CEPT1: variants seen among roughly 807,000 people sequenced by gnomAD.
The protein encoded by CEPT1 is choline/ethanolamine phosphotransferase 1.
A neutral mutation model predicts 42.6 loss-of-function variants in CEPT1; 7 were observed. That is an observed-to-expected ratio of 0.16 (90% CI 0.09 to 0.31). The LOEUF is 0.31. Ranked by LOEUF, CEPT1 falls within the 10% of genes least tolerant of loss-of-function variation. CEPT1 has a pLI of 1.00. For missense variants in CEPT1, 306 were observed against 502.1 expected (o/e 0.61, Z 3.73); for synonymous variants, 171 against 171.9 (o/e 0.99, Z 0.04).
intron 4 of CEPT1, among the ~76,000 whole-genome samples, chr1:111,173,868 G>A (rs941393192): frequency 6.6e-6 from 1 of 152,034 alleles, no homozygotes; most frequent in Non-Finnish European, 1.5e-5. Flanking sequence ...TCAGTATATA[G>A]AGAGCTGCCC....
chr1:111,140,697 G>A (rs1288281643), intron 1 of CEPT1: 2 of 152,418 alleles, frequency 1.3e-5, no homozygotes, highest in African/African-American at 4.8e-5. Context: ...TGCTTGTCAG[G>A]TCCACACCCT....
intron 2 of CEPT1, among the ~76,000 whole-genome samples, chr1:111,153,893 C>T (rs1341166032): frequency 1.3e-5 from 2 of 152,056 alleles, no homozygotes; most frequent in African/African-American, 2.4e-5. Flanking sequence ...AGTGTGATGC[C>T]TCCAGCTTTG....
At chr1:111,160,947 A>G (rs1655835733) in intron 3 of CEPT1, 2 of 567,522 alleles carry the variant, frequency 3.5e-6, no homozygotes, top group Admixed American at 3.5e-5. Flanking sequence ...CCACTAAGTG[A>G]TTTGGTAAAA....
At chr1:111,160,293 T>A (rs537907042) in intron 3 of CEPT1, 3 of 152,364 alleles carry the variant, frequency 2.0e-5, no homozygotes, top group Middle Eastern at 3.4e-3. Flanking sequence ...TTTCAGCTAG[T>A]CTTTCTGACA....
At position 111,151,683 on chromosome 1, in the gene CEPT1, A is replaced by AT. The variant is rs1557924744; in HGVS notation, c.339+3630_339+3631insT. On this transcript the variant is annotated intron_variant, in intron 2 of 8. Transcript: ENST00000357172. ...TGTCCTTAGAGACAATAGATGACAA[A>AT]CGTTTCCCTTTCAGATCTTAGTTAA... is the stretch of plus-strand genomic sequence containing the variant. Among the ~76,000 whole-genome samples, 6 of 152,342 alleles carry AT rather than the reference A, an allele frequency of 3.9e-5. No homozygotes were observed. In the South Asian group the frequency reaches 1.2e-3, roughly 32 times the overall value.
intron 5 of CEPT1, among the ~76,000 whole-genome samples, chr1:111,176,208 A>G (rs1656668863): frequency 1.3e-5 from 2 of 152,182 alleles, no homozygotes; most frequent in African/African-American, 4.8e-5. Context: ...TCAGTTATGT[A>G]TCTTAGATTT....
At chr1:111,146,000 T>A (rs75159014) in intron 1 of CEPT1, among the ~76,000 whole-genome samples, 4,591 of 152,312 alleles carry the variant, frequency 0.03, 235 homozygotes, top group African/African-American at 0.1. Context: ...GGACTTTGAT[T>A]CTGCTTTGTG....
At chr1:111,159,340 T>C (rs1557929830) in intron 2 of CEPT1, 40 bp from the exon 3 acceptor site, 1 of 1,580,728 alleles carries the variant, frequency 6.3e-7, no homozygotes. Flanking sequence ...ATGGTAACTG[T>C]GTGTCTGAAT....
intron 1 of CEPT1, among the ~76,000 whole-genome samples, chr1:111,145,685 A>C (rs192327954): frequency 6.6e-6 from 1 of 152,316 alleles, no homozygotes; most frequent in Admixed American, 6.5e-5. Context: ...CAGAATGCAC[A>C]TGTGGCCTGG....
At chr1:111,167,221 G>A in intron 4 of CEPT1, 14 of 985,166 alleles carry the variant, frequency 1.4e-5, no homozygotes, top group Non-Finnish European at 1.7e-5. Context: ...GCTATCTGAT[G>A]TACAATGGTG....
chr1:111,146,795 CTTT>C (rs978593604), intron 1 of CEPT1, among the ~76,000 whole-genome samples: 1 of 152,128 alleles, frequency 6.6e-6, no homozygotes, highest in Non-Finnish European at 1.5e-5. Context: ...CCCACTTTTA[CTTT>C]TTTTCCTTCT....
At chr1:111,144,448 A>G (rs956353684) in intron 1 of CEPT1, among the ~76,000 whole-genome samples, 2 of 152,194 alleles carry the variant, frequency 1.3e-5, no homozygotes, top group African/African-American at 4.8e-5. Context: ...GCCTCTTTTC[A>G]TGTATAAATT....
chr1:111,153,915 C>T (rs1388057963), intron 2 of CEPT1, among the ~76,000 whole-genome samples: 2 of 151,978 alleles, frequency 1.3e-5, no homozygotes, highest in Non-Finnish European at 2.9e-5. Flanking sequence ...TCTTTTTGCT[C>T]TAGAGTGCTT....
intron 4 of CEPT1, 64 bp from the exon 5 acceptor site, chr1:111,174,815 G>A (rs559871353): frequency 3.1e-6 from 3 of 969,698 alleles, no homozygotes; most frequent in South Asian, 2.6e-5. Context: ...TGCTAAGCTT[G>A]CAAGTAATTA....
chr1:111,158,045 T>G (rs1655661878), intron 2 of CEPT1, among the ~76,000 whole-genome samples: 5 of 152,252 alleles, frequency 3.3e-5, no homozygotes, highest in African/African-American at 1.2e-4. Context: ...GAATATACAT[T>G]TAAATTCAAT....
At chr1:111,163,866 G>A (rs1476563986) in intron 4 of CEPT1, among the ~76,000 whole-genome samples, 1 of 152,024 alleles carries the variant, frequency 6.6e-6, no homozygotes, top group Non-Finnish European at 1.5e-5. Flanking sequence ...AAAATCACTT[G>A]CATTTTCTTA....
chr1:111,182,371 T>C (rs1657034216), intron 6 of CEPT1, 53 bp downstream of exon 6: 1 of 1,542,188 alleles, frequency 6.5e-7, no homozygotes, highest in South Asian at 1.2e-5. Flanking sequence ...CTTGGTTTTG[T>C]TGTCATTTTG....
Position 111,178,835 on chromosome 1 carries a change from T to A in CEPT1, c.715-3352T>A, listed in dbSNP as rs1656830648. On this transcript the variant is annotated intron_variant, in intron 5 of 8. Transcript: ENST00000357172. Reference sequence around the variant, plus strand: ...ATTCATTTGGTCAGACTGAAGACGTTCTATGTAGTATAAATTGATTATATC... The same window carrying A: ...ATTCATTTGGTCAGACTGAAGACGTACTATGTAGTATAAATTGATTATATC... The A allele has an allele frequency of 2.0e-5, 3 of 152,190 alleles. No individual in the cohort carries two copies. The South Asian group carries it at 6.2e-4, about 31-fold the overall frequency. The allele number at this position is 152,190 out of a possible 1,614,324, so 9.4% of individuals were successfully genotyped here.
chr1:111,177,158 A>G (rs1656718898), intron 5 of CEPT1, among the ~76,000 whole-genome samples: 2 of 152,322 alleles, frequency 1.3e-5, no homozygotes, highest in South Asian at 4.1e-4. Context: ...TCTTGGCCCC[A>G]TGTCGGGCAT....
Sources: allele counts gnomAD v4.1 joint callset (sites outside exome capture counted in the v4.1 genomes callset), GRCh38; gene constraint gnomAD v4.1.1; transcripts MANE v1.5; gene names NCBI Gene and HGNC (gene_info 2026-07-23, HGNC 2026-07-21).